The following KCNMA1 variants were observed in gnomAD, a reference collection of about 807,000 sequenced individuals.
KCNMA1 encodes Calcium-activated potassium channel subunit alpha-1.
Under a neutral mutation model 140.0 loss-of-function variants are expected in KCNMA1, and 29 were observed. That is an observed-to-expected ratio of 0.21 (90% confidence interval 0.15 to 0.28). The LOEUF (loss-of-function observed/expected upper bound fraction) is 0.28, where lower values mean the gene tolerates loss of function less well. Among genes scored for constraint, KCNMA1 ranks in the 10% least tolerant of loss-of-function variants. The pLI is 1.00. For missense variants in KCNMA1, 880 were observed against 1,602.2 expected, an observed-to-expected ratio of 0.55 and a Z score of 7.70; for synonymous variants, 612 against 611.9, an observed-to-expected ratio of 1.00 and a Z score of 0.00.
intron 1 of KCNMA1, among the ~76,000 whole-genome samples, chr10:77,501,799 G>A (rs2044005773): frequency 6.6e-6 from 1 of 152,224 alleles, no homozygotes; most frequent in Non-Finnish European, 1.5e-5. Context: ...GAGGCCTTGG[G>A]CCACAGAACA....
At chr10:77,560,394 T>C (rs2673434) in intron 1 of KCNMA1, among the ~76,000 whole-genome samples, 107,960 of 152,070 alleles carry the variant, frequency 0.71, 39,113 homozygotes, top group South Asian at 0.86. Context: ...AGGTATTTCT[T>C]ATTCTGGGTT....
chr10:77,186,270 T>C (rs1237035805), intron 3 of KCNMA1, among the ~76,000 whole-genome samples: 2 of 151,622 alleles, frequency 1.3e-5, no homozygotes, highest in Admixed American at 6.6e-5. Flanking sequence ...CCAAATCACG[T>C]GGAAAAATCT....
intron 5 of KCNMA1, among the ~76,000 whole-genome samples, 200 bp from the exon 6 acceptor site, chr10:77,121,248 T>TTA (rs2097585491): frequency 1.3e-5 from 2 of 152,200 alleles, no homozygotes; most frequent in African/African-American, 4.8e-5. Flanking sequence ...GACTTTCTCT[T>TTA]TATAAAGGTG....
intron 2 of KCNMA1, among the ~76,000 whole-genome samples, chr10:77,339,336 C>A (rs1258705087): frequency 6.6e-6 from 1 of 152,182 alleles, no homozygotes; most frequent in African/African-American, 2.4e-5. Flanking sequence ...GCCTTCCCAG[C>A]CTCTCTGCTC....
chr10:77,289,305 G>A (rs1199797614), intron 2 of KCNMA1, among the ~76,000 whole-genome samples: 1 of 152,196 alleles, frequency 6.6e-6, no homozygotes, highest in Non-Finnish European at 1.5e-5. Flanking sequence ...CATGCCCTAA[G>A]TGTCTGAGAG....
At chr10:77,558,399 C>T (rs2065268599) in intron 1 of KCNMA1, among the ~76,000 whole-genome samples, 1 of 152,100 alleles carries the variant, frequency 6.6e-6, no homozygotes. Context: ...GATCCTGGTA[C>T]AGGGAGAGGG....
chr10:76,968,181 A>G (rs912489750), intron 20 of KCNMA1, among the ~76,000 whole-genome samples: 1 of 152,112 alleles, frequency 6.6e-6, no homozygotes, highest in African/African-American at 2.4e-5. Flanking sequence ...TAATATATCT[A>G]CAGGAAAGGC....
chr10:77,138,994 C>T (rs149436452), intron 5 of KCNMA1, among the ~76,000 whole-genome samples: 1 of 152,184 alleles, frequency 6.6e-6, no homozygotes, highest in Non-Finnish European at 1.5e-5. Context: ...AGGTGCCTGC[C>T]TCCTGCCCGT....
chr10:77,127,749 G>C (rs1381704600), intron 5 of KCNMA1, among the ~76,000 whole-genome samples: 1 of 152,116 alleles, frequency 6.6e-6, no homozygotes, highest in African/African-American at 2.4e-5. Context: ...GAGGTGGACT[G>C]ATCACTTGAG....
At chr10:77,555,012 C>T (rs1603635853) in intron 1 of KCNMA1, among the ~76,000 whole-genome samples, 1 of 151,672 alleles carries the variant, frequency 6.6e-6, no homozygotes, top group East Asian at 2.0e-4. Flanking sequence ...TAATGAAATT[C>T]GAGCTGCCTC....
At chr10:77,612,909 C>T (rs2087542967) in intron 1 of KCNMA1, among the ~76,000 whole-genome samples, 1 of 152,158 alleles carries the variant, frequency 6.6e-6, no homozygotes, top group Non-Finnish European at 1.5e-5. Context: ...TCTGGATTCT[C>T]TCTCCCTACT....
intron 2 of KCNMA1, among the ~76,000 whole-genome samples, chr10:77,293,411 C>G (rs1642345637): frequency 6.6e-6 from 1 of 152,118 alleles, no homozygotes; most frequent in Non-Finnish European, 1.5e-5. Context: ...CGGTGGTTCC[C>G]TTGATATCAG....
At chr10:77,166,955 G>A (rs896774106) in intron 5 of KCNMA1, among the ~76,000 whole-genome samples, 2 of 152,094 alleles carry the variant, frequency 1.3e-5, no homozygotes, top group South Asian at 2.1e-4. Context: ...TACATGCTAG[G>A]AACATTGAAA....
intron 2 of KCNMA1, among the ~76,000 whole-genome samples, chr10:77,314,815 C>T (rs2080321159): frequency 6.6e-6 from 1 of 152,116 alleles, no homozygotes; most frequent in Non-Finnish European, 1.5e-5. Context: ...GCCCTCTCGT[C>T]TGTGAATAAA....
chr10:77,308,831 G>A (rs765811062), intron 2 of KCNMA1, among the ~76,000 whole-genome samples: 19 of 152,180 alleles, frequency 1.2e-4, no homozygotes, highest in Non-Finnish European at 2.2e-4. Flanking sequence ...TTATCTTTGA[G>A]ATCCTCATGA....
chr10:77,166,089 G>C (rs2098638734), intron 5 of KCNMA1, among the ~76,000 whole-genome samples: 1 of 152,122 alleles, frequency 6.6e-6, no homozygotes, highest in Admixed American at 6.5e-5. Flanking sequence ...GGTCCCCTTT[G>C]TTCCCAGTGG....
At chr10:77,535,490 C>A (rs1489051263) in intron 1 of KCNMA1, among the ~76,000 whole-genome samples, 2 of 152,092 alleles carry the variant, frequency 1.3e-5, no homozygotes, top group Non-Finnish European at 2.9e-5. Context: ...TATGAAGGTT[C>A]CTCAAAAAAC....
intron 2 of KCNMA1, among the ~76,000 whole-genome samples, chr10:77,302,330 C>G (rs993819554): frequency 6.6e-6 from 1 of 152,152 alleles, no homozygotes; most frequent in Non-Finnish European, 1.5e-5. Flanking sequence ...CACCCCCATA[C>G]TGCTCCTTAA....
In KCNMA1 at chr10:77,079,543, A is replaced by G. The variant is rs1467783411; in HGVS notation, c.1531T>C (p.Ser511Pro). ...ATCTTCGGATGGTAGTTCTTTATGG[A>G]GATTACTCTGAAAAAGAAAGAACCA... ...EDASNIMRVI[S>P]IKNYHPKIRI... The change falls in exon 13 of 28, where the codon TCC becomes CCC. Residue 511 changes from serine (S) to proline (P), a missense_variant. Physicochemically the swap from Ser to Pro is moderately conservative, Grantham distance 74. Around this residue, in one of 13 missense-constraint regions of KCNMA1, gnomAD observed 198 missense variants for 580.1 expected, o/e 0.34. Transcript: ENST00000286628. 6.2e-7 allele frequency: 1 copy of G among 1,604,238 alleles called. No individual in the cohort carries two copies. The highest frequency in any genetic ancestry group is 1.7e-5 in the Admixed American group (1 of 60,004).
Sources: allele counts gnomAD v4.1 joint callset (sites outside exome capture counted in the v4.1 genomes callset), GRCh38; gene constraint gnomAD v4.1.1; regional missense constraint gnomAD v4.1.1; transcripts MANE v1.5; gene names NCBI Gene and HGNC (gene_info 2026-07-23, HGNC 2026-07-21).